DHCR7: variants seen among roughly 807,000 people sequenced by gnomAD.
DHCR7 encodes the protein 7-dehydrocholesterol reductase.
In DHCR7, 40 loss-of-function variants were observed where a neutral mutation model predicts 43.3. That is an observed-to-expected ratio of 0.92 (90% confidence interval 0.72 to 1.20). The LOEUF (loss-of-function observed/expected upper bound fraction) is 1.20. Among genes scored for constraint, DHCR7 ranks in the 50% most tolerant of loss-of-function variants. The pLI is 0.00. For missense variants in DHCR7, 608 were observed against 644.6 expected, an observed-to-expected ratio of 0.94 and a Z score of 0.62; for synonymous variants, 298 against 271.4, an observed-to-expected ratio of 1.10 and a Z score of -0.96.
chr11:71,431,364 G>T (rs1411938274), downstream of DHCR7, among the ~76,000 whole-genome samples: 1 of 152,214 alleles, frequency 6.6e-6, no homozygotes, highest in Non-Finnish European at 1.5e-5. Context: ...TGGCTTGGAG[G>T]TGGGGCTTCA....
At chr11:71,428,312 T>C (rs1279393074) in exon 3 of DHCR7, 3 of 152,332 alleles carry the variant, frequency 2.0e-5, no homozygotes, top group Admixed American at 1.3e-4. Flanking sequence ...AGGTTTTCTA[T>C]GGATGTCTTT....
Position 71,445,806 on chromosome 11 carries a change from A to AT in DHCR7, c.-6-849dup, listed in dbSNP as rs1949398312. Among the ~76,000 whole-genome samples, 4 of 152,350 alleles carry AT rather than the reference A, an allele frequency of 2.6e-5. No individual in the cohort carries two copies. The South Asian group carries it at 8.3e-4, about 32-fold the overall frequency. Reference sequence around the variant, plus strand: ...ACTGTGAAGCTTTAAAATATCTGAGATTTTTTAAAAGATGCTCTTGAAAGC... The same window carrying AT: ...ACTGTGAAGCTTTAAAATATCTGAGATTTTTTTAAAAGATGCTCTTGAAAGC... On this transcript the variant is annotated intron_variant, in intron 2 of 8. Coordinates refer to ENST00000355527, the MANE Select transcript of DHCR7 (RefSeq NM_001360.3).
Position 71,435,409 on chromosome 11 carries a change from G to T in DHCR7, c.1394C>A (p.Ala465Glu). Residue 465 changes from alanine to glutamate, a missense_variant, in exon 9 of 9, where the codon GCA (alanine) becomes GAA (glutamate). Ala to Glu is a moderately radical substitution (Grantham distance 107). Transcript: ENST00000355527. ...TCCAGGCAGCAGGCGGTAAGGCACT[G>T]CGGCGGTGTAGCGCTCCCAGTCCCG... The part of the protein sequence containing the change: ...YGRDWERYTA[A>E]VPYRLLPGIF 1.9e-6 allele frequency: 3 copies of T among 1,612,626 alleles called. No individual in the cohort carries two copies. Among genetic ancestry groups the T allele is most frequent in the Non-Finnish European group, 2.5e-6 (3 of 1,179,990 alleles).
At chr11:71,443,814 C>T in intron 4 of DHCR7, 179 bp downstream of exon 4, 1 of 597,708 alleles carries the variant, frequency 1.7e-6, no homozygotes, top group Non-Finnish European at 3.0e-6. Context: ...GTGCCTCCTG[C>T]CTTACAGCTG....
At position 71,435,676 on chromosome 11, in the gene DHCR7, T is replaced by C. The variant is rs771137757; in HGVS notation, c.1127A>G (p.Lys376Arg). The C allele has an allele frequency of 1.2e-6, 2 of 1,613,130 alleles. No individual in the cohort carries two copies. The highest frequency in any genetic ancestry group is 1.7e-5 in the Admixed American group (1 of 60,036). Residue 376 changes from lysine (K) to arginine (R), a missense_variant, in exon 9 of 9, where the codon AAG (lysine) becomes AGG (arginine). Coordinates refer to ENST00000355527, the MANE Select transcript of DHCR7 (RefSeq NM_001360.3). ...GGATGTGTAGGAGCACTCGATGACC[T>C]TGGGCTTCCTGCCCCAGATGAGGCA... ...GRCLIWGRKP[K>R]VIECSYTSAD...
intron 7 of DHCR7, 56 bp from the exon 8 acceptor site, chr11:71,437,999 C>A: frequency 1.9e-5 from 31 of 1,603,696 alleles, no homozygotes; most frequent in Non-Finnish European, 2.6e-5. Context: ...CCCCCATGGA[C>A]CTCGGGGAAA....
At chr11:71,430,732 G>C (rs529904608), downstream of DHCR7, among the ~76,000 whole-genome samples, 173 of 152,378 alleles carry the variant, frequency 1.1e-3, no homozygotes, top group African/African-American at 4.0e-3. Context: ...AGGGGAGCTA[G>C]AGAGGGGCCA....
At chr11:71,438,808 CG>C in intron 7 of DHCR7, 70 bp downstream of exon 7, 1 of 1,483,136 alleles carries the variant, frequency 6.7e-7, no homozygotes, top group East Asian at 2.3e-5. Context: ...CATGGGAATA[CG>C]CTCTGGCTTG....
Position 71,441,276 on chromosome 11 carries a change from T to G in DHCR7, c.577A>C (p.Thr193Pro). The part of the protein sequence containing the change: ...CANILGYAVS[T>P]FAMVKGYFFP... Reference sequence around the variant, plus strand: ...AAGTAGCCCTTGACCATGGCGAAGGTGGAGACGGCATAGCCAAGGATGTTG... The same window carrying G: ...AAGTAGCCCTTGACCATGGCGAAGGGGGAGACGGCATAGCCAAGGATGTTG... The change falls in exon 6 of 9, where the codon ACC becomes CCC. Residue 193 changes from threonine to proline, a missense_variant. Thr to Pro is a conservative substitution (Grantham distance 38, BLOSUM62 -1). Transcript: ENST00000355527. 5.6e-6 allele frequency: 9 copies of G among 1,614,096 alleles called. No homozygotes were observed. Among genetic ancestry groups the G allele is most frequent in the South Asian group, 1.1e-5 (1 of 91,080 alleles).
chr11:71,429,654 C>T (rs762531837), downstream of DHCR7, among the ~76,000 whole-genome samples: 1 of 152,164 alleles, frequency 6.6e-6, no homozygotes, highest in African/African-American at 2.4e-5. Flanking sequence ...GTCGAGTAAC[C>T]TTTCAGATGC....
downstream of DHCR7, among the ~76,000 whole-genome samples, chr11:71,432,708 TCTC>T (rs1255545846): frequency 6.6e-6 from 1 of 152,162 alleles, no homozygotes. Context: ...CCCCTTTGCC[TCTC>T]CTCCTTAGGT....
intron 8 of DHCR7, among the ~76,000 whole-genome samples, chr11:71,436,917 C>G (rs1949288178): frequency 6.6e-6 from 1 of 152,218 alleles, no homozygotes; most frequent in African/African-American, 2.4e-5. Flanking sequence ...TATAGTGGGA[C>G]CTATTGCTAC....
intron 7 of DHCR7, 96 bp from the exon 8 acceptor site, chr11:71,438,039 G>A (rs1380037439): frequency 1.4e-6 from 2 of 1,443,806 alleles, no homozygotes; most frequent in Admixed American, 1.7e-5. Flanking sequence ...AGCAGGGGGT[G>A]CTCGGGAGCT....
rs1264467349 is a variant in DHCR7, at chr11:71,435,285, T to C, written c.*90A>G. On this transcript the variant is annotated 3_prime_UTR_variant, in exon 9 of 9. Transcript: ENST00000355527. ...AGTTTACAGATGAGGAAACTGAGGCTCCTCGAGTTGGAGCTGGGATGCCAG... is the reference window on the plus strand; with the variant it reads ...AGTTTACAGATGAGGAAACTGAGGCCCCTCGAGTTGGAGCTGGGATGCCAG... 2.2e-6 allele frequency: 3 copies of C among 1,369,380 alleles called. No individual in the cohort carries two copies. The African/African-American group carries it at 4.3e-5, about 19-fold the overall frequency. The allele number at this position is 1,369,380 out of a possible 1,614,324, so 84.8% of individuals were successfully genotyped here. A position where few individuals can be genotyped will look rare whatever the true frequency, so the allele number is the denominator to read the frequency against.
In DHCR7 at chr11:71,437,751, G is replaced by A; in HGVS notation, c.963+61C>T. On this transcript the variant is annotated intron_variant, in intron 8 of 8. Transcript: ENST00000355527. ...CCCCAAGGACAGACGCTTCTGCAAG[G>A]AGAAAGCTTAGCATGTGTCTGCCAA... 5 of 1,609,940 alleles carry A rather than the reference G, an allele frequency of 3.1e-6. No homozygotes were observed. The South Asian group carries it at 3.3e-5, about 11-fold the overall frequency.
At chr11:71,439,220 T>G (rs1017368913) in intron 6 of DHCR7, 137 bp from the exon 7 acceptor site, 69 of 820,104 alleles carry the variant, frequency 8.4e-5, no homozygotes, top group Non-Finnish European at 1.3e-4. Context: ...AAGCTGGCCA[T>G]GAGCCGCTGG....
intron 4 of DHCR7, among the ~76,000 whole-genome samples, chr11:71,443,675 C>T (rs748926082): frequency 4.6e-5 from 7 of 152,208 alleles, no homozygotes; most frequent in Non-Finnish European, 8.8e-5. Flanking sequence ...GACAATGGGG[C>T]TTCCTCAGGA....
intron 5 of DHCR7, among the ~76,000 whole-genome samples, chr11:71,442,003 G>T (rs115021930): frequency 6.6e-6 from 1 of 152,198 alleles, no homozygotes; most frequent in African/African-American, 2.4e-5. Flanking sequence ...TTCATGGGCC[G>T]AGTGCATCCC....
downstream of DHCR7, among the ~76,000 whole-genome samples, chr11:71,429,654 C>G (rs762531837): frequency 6.6e-6 from 1 of 152,164 alleles, no homozygotes; most frequent in Non-Finnish European, 1.5e-5. Flanking sequence ...GTCGAGTAAC[C>G]TTTCAGATGC....
Sources: allele counts gnomAD v4.1 joint callset (sites outside exome capture counted in the v4.1 genomes callset), GRCh38; gene constraint gnomAD v4.1.1; transcripts MANE v1.5; gene names NCBI Gene and HGNC (gene_info 2026-07-23, HGNC 2026-07-21).